Variants in NYAP2 observed in about 807,000 individuals in gnomAD.
The protein encoded by NYAP2 is neuronal tyrosine-phosphorylated phosphoinositide-3-kinase adaptor 2.
A neutral mutation model predicts 50.4 loss-of-function variants in NYAP2; 23 were observed. The ratio of observed to expected loss-of-function variants is 0.46; its 90% CI spans 0.33 to 0.65. The LOEUF (loss-of-function observed/expected upper bound fraction) is 0.65, where lower values mean the gene tolerates loss of function less well. NYAP2 is among the 30% of genes least tolerant of loss of function. The pLI is 0.02. For missense variants in NYAP2, 885 were observed against 861.0 expected, an observed-to-expected ratio of 1.03 and a Z score of -0.35; for synonymous variants, 394 against 365.2, an observed-to-expected ratio of 1.08 and a Z score of -0.90.
At chr2:225,414,632 G>C (rs377343332) in intron 3 of NYAP2, among the ~76,000 whole-genome samples, 16 of 152,136 alleles carry the variant, frequency 1.1e-4, no homozygotes, top group Admixed American at 5.2e-4. Context: ...AACAGAGTCC[G>C]GCCACAAACA....
chr2:225,652,438 T>C (rs1693750010), exon 7 of NYAP2: 1 of 152,198 alleles, frequency 6.6e-6, no homozygotes, highest in Admixed American at 6.5e-5. Context: ...TACAGCATAA[T>C]ATGTTGCTCT....
rs370533073 is a variant in NYAP2 at position 225,536,896 on chromosome 2, A to T, written c.523+23224A>T. 6.9e-4 allele frequency among the ~76,000 whole-genome samples: 105 copies of T among 151,334 alleles called. 3 individuals are homozygous for T. The South Asian group carries it at 0.021, about 31-fold the overall frequency. ...CGGGTTCACGCCATTCTCCTGCCTCAGCCTCCCGAATAGCTGGGACTACAA... is the reference window on the plus strand; with the variant it reads ...CGGGTTCACGCCATTCTCCTGCCTCTGCCTCCCGAATAGCTGGGACTACAA... On this transcript the variant is annotated intron_variant, in intron 4 of 6. Transcript: ENST00000636099.
At position 225,478,315 on chromosome 2, in the gene NYAP2, A is replaced by G. The variant is rs112273360; in HGVS notation, c.222-35056A>G. On this transcript the variant is annotated intron_variant, in intron 3 of 6. Transcript: ENST00000636099. ...TGGGAACATGATGGTGCAGCTGCAT[A>G]AACAGGAATCCAGGAAGAAGAAGCC... is the stretch of plus-strand genomic sequence containing the variant. 3.8e-3 allele frequency among the ~76,000 whole-genome samples: 586 copies of G among 152,286 alleles called. 5 individuals are homozygous for G. The highest frequency in any genetic ancestry group is 0.012 in the African/African-American group (503 of 41,548).
At chr2:225,557,077 T>C (rs187332404) in intron 4 of NYAP2, among the ~76,000 whole-genome samples, 2 of 152,306 alleles carry the variant, frequency 1.3e-5, no homozygotes, top group African/African-American at 2.4e-5. Context: ...TTTTTAGATA[T>C]AGAACAGATT....
At chr2:225,541,723 A>C (rs1288773803) in intron 4 of NYAP2, among the ~76,000 whole-genome samples, 1 of 152,130 alleles carries the variant, frequency 6.6e-6, no homozygotes, top group Non-Finnish European at 1.5e-5. Context: ...GTCAAGTAAT[A>C]TGATTCCTCC....
chr2:225,654,045 A>G (rs6759132), downstream of NYAP2: 29,922 of 151,858 alleles, frequency 0.2, 3,298 homozygotes, highest in African/African-American at 0.29. Flanking sequence ...AAAAAGAAAA[A>G]AAAACTTATT....
chr2:225,454,276 A>G (rs1689701071), intron 3 of NYAP2, among the ~76,000 whole-genome samples: 1 of 152,178 alleles, frequency 6.6e-6, no homozygotes, highest in Admixed American at 6.5e-5. Flanking sequence ...GGCTGCAATG[A>G]GCCATGATTG....
Position 225,602,914 on chromosome 2 carries a change from A to T in NYAP2, c.1618+19879A>T, listed in dbSNP as rs138291755. ...TCCAATTTTGTTCTTCTTTTTCAAG[A>T]TTGTTTTAGCTATTTGAGGTCCTAT... On this transcript the variant is annotated intron_variant, in intron 5 of 6. Transcript: ENST00000636099. Among the ~76,000 whole-genome samples the T allele has an allele frequency of 5.3e-5, 8 of 151,948 alleles. No individual in the cohort carries two copies. The East Asian group carries it at 1.6e-3, about 29-fold the overall frequency.
At chr2:225,525,228 T>C (rs759508867) in intron 4 of NYAP2, among the ~76,000 whole-genome samples, 5 of 152,328 alleles carry the variant, frequency 3.3e-5, no homozygotes, top group Middle Eastern at 3.4e-3. Flanking sequence ...ATCTCACTAC[T>C]AGGTATATAC....
chr2:225,472,652 G>A (rs577569422), intron 3 of NYAP2, among the ~76,000 whole-genome samples: 1 of 152,130 alleles, frequency 6.6e-6, no homozygotes, highest in African/African-American at 2.4e-5. Context: ...GTTCATCATC[G>A]TTAGAAACAT....
intron 3 of NYAP2, among the ~76,000 whole-genome samples, chr2:225,430,431 A>T (rs998735087): frequency 1.3e-5 from 2 of 152,164 alleles, no homozygotes; most frequent in Non-Finnish European, 2.9e-5. Context: ...ATAGCATCAA[A>T]GTTATTTATT....
chr2:225,432,052 C>G (rs1177449121), intron 3 of NYAP2, among the ~76,000 whole-genome samples: 1 of 151,992 alleles, frequency 6.6e-6, no homozygotes, highest in Non-Finnish European at 1.5e-5. Context: ...TCACTGCAAG[C>G]TCCGTCTCCC....
At chr2:225,659,415 T>C in the NYAP2 span, among the ~76,000 whole-genome samples, 2 of 152,234 alleles carry the variant, frequency 1.3e-5, no homozygotes, top group Non-Finnish European at 2.9e-5. Context: ...GCTCGGAGCA[T>C]GCCTGCATCA....
At chr2:225,465,847 A>C (rs1689907755) in intron 3 of NYAP2, among the ~76,000 whole-genome samples, 1 of 152,148 alleles carries the variant, frequency 6.6e-6, no homozygotes, top group African/African-American at 2.4e-5. Context: ...TCACTTACTA[A>C]AGTGTACTTA....
intron 3 of NYAP2, among the ~76,000 whole-genome samples, chr2:225,495,659 TTG>T (rs1341776930): frequency 3.9e-5 from 6 of 152,202 alleles, no homozygotes; most frequent in African/African-American, 1.4e-4. Flanking sequence ...AATCAGATAT[TTG>T]TGATTTTATG....
chr2:225,445,109 G>A (rs930770112), intron 3 of NYAP2, among the ~76,000 whole-genome samples: 1 of 151,946 alleles, frequency 6.6e-6, no homozygotes, highest in Non-Finnish European at 1.5e-5. Flanking sequence ...TTTCTGTGGC[G>A]AAACATTAAA....
intron 3 of NYAP2, among the ~76,000 whole-genome samples, chr2:225,418,541 A>G (rs925299281): frequency 5.9e-5 from 9 of 152,182 alleles, no homozygotes; most frequent in African/African-American, 2.2e-4. Flanking sequence ...GAATTTGGTG[A>G]CAGATTGGAT....
chr2:225,592,608 C>T (rs1574698398), intron 5 of NYAP2, among the ~76,000 whole-genome samples: 1 of 151,930 alleles, frequency 6.6e-6, no homozygotes, highest in Non-Finnish European at 1.5e-5. Flanking sequence ...AAGTAAAATT[C>T]CTTGATTTTG....
the NYAP2 span, among the ~76,000 whole-genome samples, chr2:225,692,435 G>A: frequency 2.0e-5 from 3 of 151,884 alleles, no homozygotes; most frequent in Admixed American, 1.3e-4. Flanking sequence ...TGAACTAAAG[G>A]TTCTTTCTCA....
Sources: gnomAD v4.1 joint callset for allele counts (sites outside exome capture counted in the v4.1 genomes callset) on GRCh38, gnomAD v4.1.1 for gene constraint, MANE v1.5 for transcripts, NCBI Gene and HGNC (gene_info 2026-07-23, HGNC 2026-07-21) for gene names.